ZNF292: variants seen among roughly 807,000 people sequenced by gnomAD.
The protein encoded by ZNF292 is zinc finger protein 292.
ZNF292 carries 26 observed loss-of-function variants against 217.9 expected under a neutral mutation model. The observed-to-expected ratio is 0.12, with a 90% CI of 0.09 to 0.17. The LOEUF is 0.17. ZNF292 is among the 10% of genes least tolerant of loss of function. The pLI is 1.00. For synonymous variants in ZNF292, 1,257 were observed against 1,124.1 expected, an observed-to-expected ratio of 1.12 and a Z score of -2.37; for missense variants, 2,904 against 3,175.2, an observed-to-expected ratio of 0.91 and a Z score of 2.05.
chr6:87,177,675 G>A (rs1210170463), intron 1 of ZNF292, among the ~76,000 whole-genome samples: 1 of 152,148 alleles, frequency 6.6e-6, no homozygotes, highest in East Asian at 1.9e-4. Flanking sequence ...CAAATTCTGG[G>A]TTGGACACCA....
intron 1 of ZNF292, among the ~76,000 whole-genome samples, chr6:87,196,200 A>G (rs1056442154): frequency 6.6e-6 from 1 of 152,206 alleles, no homozygotes; most frequent in African/African-American, 2.4e-5. Flanking sequence ...CTAAATTTGT[A>G]TTAGTTTTCA....
intron 6 of ZNF292, 128 bp downstream of exon 6, chr6:87,243,739 T>C (rs1232312050): frequency 2.5e-5 from 22 of 886,316 alleles, no homozygotes; most frequent in Non-Finnish European, 3.4e-5. Context: ...TATTTAGATA[T>C]TACATGCTGT....
Position 87,256,973 on chromosome 6 carries a change from T to G in ZNF292, c.3344T>G (p.Ile1115Ser), listed in dbSNP as rs773950462. ...CTRTYNSSQSIGKHMKTAHPD... is the reference protein window; with the variant it reads ...CTRTYNSSQSSGKHMKTAHPD... Reference sequence around the variant, plus strand: ...CGAACCTATAATTCTTCACAGAGTATTGGGAAACACATGAAGACAGCACAC... The same window carrying G: ...CGAACCTATAATTCTTCACAGAGTAGTGGGAAACACATGAAGACAGCACAC... Residue 1115 changes from isoleucine to serine, a missense_variant, in exon 8 of 8, where the codon ATT becomes AGT. By Grantham distance (142) the Ile-to-Ser change is moderately radical. Around this residue, in one of 15 missense-constraint regions of ZNF292, gnomAD observed 687 missense variants for 623.0 expected, o/e 1.10. Transcript: ENST00000369577. 47 of 1,613,598 alleles carry G rather than the reference T, an allele frequency of 2.9e-5. No homozygotes were observed. The highest frequency in any genetic ancestry group is 3.6e-5 in the Non-Finnish European group (43 of 1,179,812).
intron 7 of ZNF292, among the ~76,000 whole-genome samples, chr6:87,251,790 G>T (rs1330577738): frequency 6.6e-6 from 1 of 152,122 alleles, no homozygotes; most frequent in Non-Finnish European, 1.5e-5. Context: ...AAAAAAAATT[G>T]TAAAATATAG....
At chr6:87,226,603 G>A (rs1469365507) in intron 4 of ZNF292, among the ~76,000 whole-genome samples, 1 of 148,306 alleles carries the variant, frequency 6.7e-6, no homozygotes, top group Non-Finnish European at 1.5e-5. Context: ...AAAGCTCCTA[G>A]ACAAGGACAT....
Position 87,259,224 on chromosome 6 carries a change from A to G in ZNF292, c.5595A>G (p.Thr1865=), listed in dbSNP as rs1310908324. The G allele has an allele frequency of 6.2e-7, 1 of 1,613,726 alleles. No individual in the cohort carries two copies. Among genetic ancestry groups the G allele is most frequent in the South Asian group, 1.1e-5 (1 of 91,082 alleles). ...TPASQCVLIN[T]SVTLTPTPVK... Reference sequence around the variant, plus strand: ...CATCCCAATGTGTACTGATAAATACATCAGTGACACTGACTCCCACGCCTG... The same window carrying G: ...CATCCCAATGTGTACTGATAAATACGTCAGTGACACTGACTCCCACGCCTG... The change falls in exon 8 of 8, where the codon ACA becomes ACG. Residue 1865 remains threonine (T), a synonymous_variant. Coordinates refer to ENST00000369577, the MANE Select transcript of ZNF292 (RefSeq NM_015021.3).
intron 1 of ZNF292, among the ~76,000 whole-genome samples, chr6:87,181,340 C>T (rs1214128317): frequency 1.3e-5 from 2 of 152,150 alleles, no homozygotes; most frequent in African/African-American, 2.4e-5. Context: ...TTCAGCTGTT[C>T]TCAGCCAAAC....
At chr6:87,245,800 T>C (rs1275186034) in intron 7 of ZNF292, among the ~76,000 whole-genome samples, 156 bp downstream of exon 7, 2 of 152,230 alleles carry the variant, frequency 1.3e-5, no homozygotes, top group Non-Finnish European at 2.9e-5. Flanking sequence ...AGATATTTGA[T>C]ACAGAAAAAC....
rs1772924153 is a variant in ZNF292, at chr6:87,218,842, A to G, written c.538+111A>G. 2.5e-6 allele frequency: 3 copies of G among 1,204,414 alleles called. No individual in the cohort carries two copies. The East Asian group carries it at 8.1e-5, about 33-fold the overall frequency. 74.6% of individuals were successfully genotyped at this position (1,204,414 alleles called of 1,614,324 possible). A position where few individuals can be genotyped will look rare whatever the true frequency, so the allele number is the denominator to read the frequency against. On this transcript the variant is annotated intron_variant, in intron 4 of 7. Coordinates refer to ENST00000369577, the MANE Select transcript of ZNF292 (RefSeq NM_015021.3). ...AGATATTCCAAAGAAGGACCATTTA[A>G]TTAAATATCTTCTGAGGTGTGCTTG...
intron 1 of ZNF292, among the ~76,000 whole-genome samples, chr6:87,169,287 C>T (rs990761461): frequency 6.6e-6 from 1 of 151,950 alleles, no homozygotes; most frequent in Non-Finnish European, 1.5e-5. Flanking sequence ...GTGATCTGCT[C>T]GCCTCAGCCT....
At chr6:87,251,842 T>A (rs1023385150) in intron 7 of ZNF292, among the ~76,000 whole-genome samples, 2 of 152,230 alleles carry the variant, frequency 1.3e-5, no homozygotes, top group Non-Finnish European at 2.9e-5. Flanking sequence ...GTTTCAGGTT[T>A]AATTATAACA....
chr6:87,239,628 C>T (rs1448022170), intron 5 of ZNF292, among the ~76,000 whole-genome samples: 1 of 145,354 alleles, frequency 6.9e-6, no homozygotes, highest in Non-Finnish European at 1.5e-5. Context: ...CCTCACTTCT[C>T]AGACGGGGCG....
At chr6:87,232,679 AT>A (rs1487695098) in intron 4 of ZNF292, among the ~76,000 whole-genome samples, 2 of 152,154 alleles carry the variant, frequency 1.3e-5, no homozygotes, top group Non-Finnish European at 2.9e-5. Context: ...TTTTGAGTTT[AT>A]TCATTGATGT....
intron 4 of ZNF292, chr6:87,222,887 C>T (rs1773159426): frequency 2.2e-6 from 1 of 450,054 alleles, no homozygotes; most frequent in East Asian, 7.0e-5. Context: ...TTGAGGAGTA[C>T]TGGTCAGGTA....
In ZNF292 at chr6:87,217,699, A is replaced by G. The variant is rs546444970; in HGVS notation, c.403-897A>G. ...GAAGTAACTCTTTACATCCCTCTAC[A>G]TTCAGTTACTTAAAGAAAACTTAGT... On this transcript the variant is annotated intron_variant, in intron 3 of 7. Transcript: ENST00000369577. Among the ~76,000 whole-genome samples, 71 of 152,096 alleles carry G rather than the reference A, an allele frequency of 4.7e-4. 1 individual carries two copies. Among genetic ancestry groups the G allele is most frequent in the Non-Finnish European group, 9.4e-4 (64 of 67,948 alleles).
chr6:87,210,395 G>C (rs7750078), intron 1 of ZNF292, among the ~76,000 whole-genome samples: 6 of 152,072 alleles, frequency 3.9e-5, no homozygotes, highest in African/African-American at 1.4e-4. Flanking sequence ...GAAAAACACC[G>C]CAAGAAACAG....
chr6:87,211,264 A>G (rs1290619330), intron 1 of ZNF292, among the ~76,000 whole-genome samples: 1 of 152,216 alleles, frequency 6.6e-6, no homozygotes, highest in Admixed American at 6.5e-5. Context: ...GAAACAGGAA[A>G]GTGTCTCTTT....
chr6:87,256,479 C>T lies in ZNF292; in HGVS notation c.2850C>T (p.Asn950=). The change falls in exon 8 of 8, where the codon AAC becomes AAT. Residue 950 remains asparagine, a synonymous_variant. Transcript: ENST00000369577. ...CTCTCAATCAGGGGATTGAGGATAA[C>T]TTTGGAAAGCAAGAAAACTCAACTG... The part of the protein sequence containing the change: ...KVSLNQGIED[N]FGKQENSTVE... 1 of 1,610,328 alleles carries T rather than the reference C, an allele frequency of 6.2e-7. No homozygotes were observed. Among genetic ancestry groups the T allele is most frequent in the Non-Finnish European group, 8.5e-7 (1 of 1,179,802 alleles).
In ZNF292 at chr6:87,255,755, A is replaced by G. The variant is rs776997487; in HGVS notation, c.2126A>G (p.Glu709Gly). 5.0e-6 allele frequency: 8 copies of G among 1,613,830 alleles called. No homozygotes were observed. Among genetic ancestry groups the G allele is most frequent in the Non-Finnish European group, 5.1e-6 (6 of 1,179,838 alleles). ...CATGTGAAGGGGCATAAAGATAATG[A>G]AGACGCCAAGCGCTTTCTTGAAATG... is the stretch of plus-strand genomic sequence containing the variant. ...IAHVKGHKDN[E>G]DAKRFLEMQS... The change falls in exon 8 of 8, where the codon GAA becomes GGA. Residue 709 changes from glutamate to glycine, a missense_variant. Coordinates refer to ENST00000369577, the MANE Select transcript of ZNF292 (RefSeq NM_015021.3).
Sources: allele counts gnomAD v4.1 joint callset (sites outside exome capture counted in the v4.1 genomes callset), GRCh38; gene constraint gnomAD v4.1.1; regional missense constraint gnomAD v4.1.1; transcripts MANE v1.5; gene names NCBI Gene and HGNC (gene_info 2026-07-23, HGNC 2026-07-21).